The following TTLL4 variants were observed in gnomAD, a reference collection of about 807,000 sequenced individuals.
TTLL4 encodes tubulin tyrosine ligase like 4, also known as tubulin monoglutamylase TTLL4.
Under a neutral mutation model 122.7 loss-of-function variants are expected in TTLL4, and 85 were observed. That is an observed-to-expected ratio of 0.69 (90% CI 0.58 to 0.83). TTLL4 has a LOEUF of 0.83. Ranked by LOEUF, TTLL4 falls within the 40% of genes least tolerant of loss-of-function variation. The pLI, the probability that TTLL4 is intolerant of heterozygous loss-of-function variation, is 0.00. For missense variants in TTLL4, 1,363 were observed against 1,488.6 expected (o/e 0.92, Z 1.39); for synonymous variants, 553 against 563.0 (o/e 0.98, Z 0.25).
chr2:218,746,638 T>C, intron 8 of TTLL4: 1 of 363,808 alleles, frequency 2.7e-6, no homozygotes, highest in Non-Finnish European at 5.0e-6. Flanking sequence ...GCTGAATATG[T>C]GTAAAGAGGA....
chr2:218,725,473 TA>T (rs1559359635), intron 1 of TTLL4, among the ~76,000 whole-genome samples: 2 of 151,928 alleles, frequency 1.3e-5, no homozygotes, highest in Non-Finnish European at 2.9e-5. Flanking sequence ...AGTGAACAAA[TA>T]AAGAACCATA....
At chr2:218,737,266 T>C (rs981777489) in intron 2 of TTLL4, among the ~76,000 whole-genome samples, 2 of 152,108 alleles carry the variant, frequency 1.3e-5, no homozygotes, top group Non-Finnish European at 2.9e-5. Context: ...GACAGAAAGA[T>C]GTATTTTTTG....
chr2:218,759,155 A>G (rs566180354), downstream of TTLL4, among the ~76,000 whole-genome samples: 21 of 152,308 alleles, frequency 1.4e-4, no homozygotes, highest in Non-Finnish European at 5.9e-5. Context: ...GAGGCAGGAC[A>G]ATCCCTTGAA....
At chr2:218,717,631 A>G (rs185704280) in intron 1 of TTLL4, among the ~76,000 whole-genome samples, 1 of 152,224 alleles carries the variant, frequency 6.6e-6, no homozygotes, top group Non-Finnish European at 1.5e-5. Flanking sequence ...CACCCTTCTC[A>G]CTAGGCTGTA....
intron 1 of TTLL4, among the ~76,000 whole-genome samples, chr2:218,716,698 AGAATGGCGT>A (rs1941870391): frequency 1.3e-5 from 2 of 152,204 alleles, no homozygotes; most frequent in Non-Finnish European, 1.5e-5. Context: ...TTGAGGCAGG[AGAATGGCGT>A]GAACCCAGGA....
intron 2 of TTLL4, among the ~76,000 whole-genome samples, chr2:218,729,441 G>T (rs1231244945): frequency 6.6e-6 from 1 of 151,958 alleles, no homozygotes; most frequent in Non-Finnish European, 1.5e-5. Flanking sequence ...GATTTTACTG[G>T]TGATAATCTT....
chr2:218,737,577 A>G lies in TTLL4; in HGVS notation c.-98-2A>G, dbSNP rs924862498. On this transcript the variant is annotated splice_acceptor_variant, in intron 2 of 19. Transcript: ENST00000392102. LOFTEE classifies it low-confidence loss of function (5UTR_SPLICE). ...ATTTCCTATCATTTCTCTCCACTTC[A>G]GACTGACAGACTTCAAGGATGCAGC... is the stretch of plus-strand genomic sequence containing the variant. 9 of 1,353,976 alleles carry G rather than the reference A, an allele frequency of 6.6e-6. No homozygotes were observed. In the African/African-American group the frequency reaches 1.3e-4, roughly 20 times the overall value. 83.9% of individuals were successfully genotyped at this position (1,353,976 alleles called of 1,614,324 possible).
Position 218,752,805 on chromosome 2 carries a change from G to A in TTLL4, c.3019G>A (p.Val1007Ile), listed in dbSNP as rs2106464334. 1.2e-6 allele frequency: 2 copies of A among 1,614,194 alleles called. No individual in the cohort carries two copies. The highest frequency in any genetic ancestry group is 1.6e-4 in the Middle Eastern group (1 of 6,062). ...SVLDVLTPDD[V>I]RILVEMEDEF... The stretch of plus-strand genomic sequence containing the variant: ...GCTGGATGTCCTGACACCAGATGAT[G>A]TTCGGATTCTGGTTGAGATGGAAGA... The change falls in exon 17 of 20, where the codon GTT becomes ATT. Residue 1007 changes from valine (V) to isoleucine (I), a missense_variant. This residue lies in a region of TTLL4 where 596 missense variants were observed against 655.8 expected (regional missense o/e 0.91). Coordinates refer to ENST00000392102, the MANE Select transcript of TTLL4 (RefSeq NM_014640.5).
At position 218,729,070 on chromosome 2, in the gene TTLL4, T is replaced by G. The variant is rs570277987; in HGVS notation, c.-99+1723T>G. 2.0e-5 allele frequency among the ~76,000 whole-genome samples: 3 copies of G among 151,944 alleles called. No homozygotes were observed. The South Asian group carries it at 6.3e-4, about 32-fold the overall frequency. ...GCCTCAGCCTCCCAAGTAGCTGGGA[T>G]TATGGATGCCCACCACCATGCCCGG... is the stretch of plus-strand genomic sequence containing the variant. On this transcript the variant is annotated intron_variant, in intron 2 of 19. Coordinates refer to ENST00000392102, the MANE Select transcript of TTLL4 (RefSeq NM_014640.5).
chr2:218,738,497 T>C lies in TTLL4; in HGVS notation c.821T>C (p.Ile274Thr), dbSNP rs763700452. 2.5e-5 allele frequency: 41 copies of C among 1,614,082 alleles called. No homozygotes were observed. The highest frequency in any genetic ancestry group is 3.4e-5 in the Non-Finnish European group (40 of 1,180,042). The change falls in exon 3 of 20, where the codon ATT becomes ACT. Residue 274 changes from isoleucine to threonine, a missense_variant. Coordinates refer to ENST00000392102, the MANE Select transcript of TTLL4 (RefSeq NM_014640.5). ...QPVDHKVPKSIGTVPADASAH... is the reference protein window; with the variant it reads ...QPVDHKVPKSTGTVPADASAH... Reference sequence around the variant, plus strand: ...GTTGACCATAAGGTGCCCAAAAGCATTGGCACTGTCCCAGCTGATGCCAGT... The same window carrying C: ...GTTGACCATAAGGTGCCCAAAAGCACTGGCACTGTCCCAGCTGATGCCAGT...
intron 2 of TTLL4, among the ~76,000 whole-genome samples, chr2:218,735,257 A>G (rs1278606829): frequency 6.6e-6 from 1 of 152,084 alleles, no homozygotes; most frequent in Admixed American, 6.6e-5. Flanking sequence ...ATATAACTTA[A>G]GCGAAAAAAC....
intron 2 of TTLL4, among the ~76,000 whole-genome samples, chr2:218,731,371 A>G (rs1471801776): frequency 6.6e-6 from 1 of 151,520 alleles, no homozygotes; most frequent in Non-Finnish European, 1.5e-5. Flanking sequence ...AGATTGTACC[A>G]CTACACTCCA....
downstream of TTLL4, among the ~76,000 whole-genome samples, chr2:218,759,649 G>A (rs1376159975): frequency 6.6e-6 from 1 of 152,138 alleles, no homozygotes; most frequent in Non-Finnish European, 1.5e-5. Context: ...ACAGTTGTGG[G>A]AACTTGTCAA....
At position 218,737,809 on chromosome 2, in the gene TTLL4, G is replaced by A. The variant is rs770593465; in HGVS notation, c.133G>A (p.Ala45Thr). ...KPSEGRVWPQ[A>T]HQQVKPIWKL... The stretch of plus-strand genomic sequence containing the variant: ...CTCGGAGGGCAGAGTCTGGCCTCAG[G>A]CCCATCAGCAAGTGAAGCCAATCTG... The change falls in exon 3 of 20, where the codon GCC becomes ACC. Residue 45 changes from alanine to threonine, a missense_variant. By Grantham distance (58) the Ala-to-Thr change is moderately conservative. This residue lies in a region of TTLL4 where 760 missense variants were observed against 808.4 expected (regional missense o/e 0.94). Coordinates refer to ENST00000392102, the MANE Select transcript of TTLL4 (RefSeq NM_014640.5). 1 of 1,614,234 alleles carries A rather than the reference G, an allele frequency of 6.2e-7. No individual in the cohort carries two copies. The highest frequency in any genetic ancestry group is 1.3e-5 in the African/African-American group (1 of 75,068).
In TTLL4 at chr2:218,738,339, C is replaced by T. The variant is rs760568090; in HGVS notation, c.663C>T (p.Ser221=). Residue 221 remains serine, a synonymous_variant, in exon 3 of 20, where the codon TCC becomes TCT. Coordinates refer to ENST00000392102, the MANE Select transcript of TTLL4 (RefSeq NM_014640.5). ...SSYKPMLNNN[S]FMWPNSTPVP... ...ATAAGCCCATGCTGAATAATAATTC[C>T]TTCATGTGGCCAAATAGCACGCCAG... The T allele has an allele frequency of 6.8e-6, 11 of 1,614,124 alleles. No homozygotes were observed. Among genetic ancestry groups the T allele is most frequent in the Non-Finnish European group, 8.5e-6 (10 of 1,180,034 alleles).
At position 218,754,452 on chromosome 2, in the gene TTLL4, C is replaced by T. The variant is rs1943111462; in HGVS notation, c.*63C>T. The T allele has an allele frequency of 6.3e-7, 1 of 1,599,246 alleles. No homozygotes were observed. The highest frequency in any genetic ancestry group is 2.2e-5 in the East Asian group (1 of 44,772). ...GCATCAGCTACCTCACGGGAACCAG[C>T]CTGCTGTTCAGACCAGTCTGACCCC... On this transcript the variant is annotated 3_prime_UTR_variant, in exon 20 of 20. Coordinates refer to ENST00000392102, the MANE Select transcript of TTLL4 (RefSeq NM_014640.5).
intron 2 of TTLL4, among the ~76,000 whole-genome samples, chr2:218,731,701 G>A (rs1351687765): frequency 6.6e-6 from 1 of 152,192 alleles, no homozygotes; most frequent in African/African-American, 2.4e-5. Flanking sequence ...TTCAGTCGGG[G>A]TATGGTACTT....
At chr2:218,731,425 A>T (rs80229451) in intron 2 of TTLL4, among the ~76,000 whole-genome samples, 5 of 151,932 alleles carry the variant, frequency 3.3e-5, no homozygotes, top group Non-Finnish European at 5.9e-5. Context: ...AAAAAAAAAA[A>T]TTTCACAAAA....
chr2:218,745,373 A>G lies in TTLL4; in HGVS notation c.1786+140A>G, dbSNP rs992500804. 29 of 1,166,992 alleles carry G rather than the reference A, an allele frequency of 2.5e-5. 1 individual carries two copies. Among genetic ancestry groups the G allele is most frequent in the Middle Eastern group, 2.3e-4 (1 of 4,328 alleles). 72.3% of individuals were successfully genotyped at this position (1,166,992 alleles called of 1,614,324 possible). A position where few individuals can be genotyped will look rare whatever the true frequency, so the allele number is the denominator to read the frequency against. ...GTTGTCACACTGTGCTCAGTTCCCC[A>G]TGTGGTCGTAGGTCTGATGCAACCT... On this transcript the variant is annotated intron_variant, in intron 6 of 19. Transcript: ENST00000392102.
Sources: gnomAD v4.1 joint callset for allele counts (sites outside exome capture counted in the v4.1 genomes callset) on GRCh38, gnomAD v4.1.1 for gene constraint, gnomAD v4.1.1 regional missense constraint, MANE v1.5 for transcripts, NCBI Gene and HGNC (gene_info 2026-07-23, HGNC 2026-07-21) for gene names.